ZNF695: variants seen among roughly 807,000 people sequenced by gnomAD.
ZNF695 encodes zinc finger protein SBZF3.
Under a neutral mutation model 11.2 loss-of-function variants are expected in ZNF695, and 11 were observed. The observed-to-expected ratio is 0.98, with a 90% CI of 0.62 to 1.62. The LOEUF (loss-of-function observed/expected upper bound fraction) is 1.62. Among genes scored for constraint, ZNF695 ranks in the 40% most tolerant of loss-of-function variants. The pLI, the probability that ZNF695 is intolerant of heterozygous loss-of-function variation, is 0.00. For synonymous variants in ZNF695, 190 were observed against 201.4 expected (o/e 0.94, Z 0.48); for missense variants, 559 against 590.5 (o/e 0.95, Z 0.55).
At chr1:246,975,541 G>T (rs1481276520) in intron 4 of ZNF695, among the ~76,000 whole-genome samples, 3 of 152,208 alleles carry the variant, frequency 2.0e-5, no homozygotes, top group African/African-American at 7.2e-5. Flanking sequence ...ACTGAGGGCT[G>T]TGGGAGCAAT....
chr1:246,945,972 G>A (rs779523931), intron 5 of ZNF695: 54 of 972,422 alleles, frequency 5.6e-5, no homozygotes, highest in Admixed American at 7.3e-5. Context: ...TCAAATTCAC[G>A]CAGGTGTGAG....
intron 5 of ZNF695, among the ~76,000 whole-genome samples, chr1:246,959,311 ATATATATATAT>A (rs1327362017): frequency 9.5e-4 from 20 of 20,966 alleles, no homozygotes; most frequent in African/African-American, 2.5e-3. Context: ...AAAAAAAAAA[ATATATATATAT>A]ATATATATAT....
intron 1 of ZNF695, among the ~76,000 whole-genome samples, chr1:247,002,324 C>T (rs1368363298): frequency 1.3e-5 from 2 of 151,720 alleles, no homozygotes; most frequent in African/African-American, 4.8e-5. Context: ...AAAAAGATAC[C>T]GCATCCCAGA....
chr1:246,976,600 C>G (rs552407860), intron 4 of ZNF695, among the ~76,000 whole-genome samples: 60 of 151,778 alleles, frequency 4.0e-4, no homozygotes, highest in African/African-American at 1.0e-3. Flanking sequence ...CGAGACCATC[C>G]TGGCTAACAC....
At position 246,969,883 on chromosome 1, in the gene ZNF695, C is replaced by T. The variant is rs370401449; in HGVS notation, c.391-2091G>A. 1.5e-3 allele frequency among the ~76,000 whole-genome samples: 230 copies of T among 152,270 alleles called. 1 individual carries two copies. Among genetic ancestry groups the T allele is most frequent in the African/African-American group, 4.7e-3 (196 of 41,556 alleles). On this transcript the variant is annotated intron_variant, in intron 4 of 5. Coordinates refer to the ZNF695 transcript ENST00000487338. Reference sequence around the variant, plus strand: ...CAGATCTCGTGAGAACTTACTATCACGAGAACAGCAAGGGAGAAGTCCACC... The same window carrying T: ...CAGATCTCGTGAGAACTTACTATCATGAGAACAGCAAGGGAGAAGTCCACC...
intron 4 of ZNF695, among the ~76,000 whole-genome samples, chr1:246,970,691 G>A (rs1490679725): frequency 6.6e-6 from 1 of 152,252 alleles, no homozygotes; most frequent in Non-Finnish European, 1.5e-5. Flanking sequence ...GCAGAGTGGA[G>A]AGCCCTTGTT....
intron 5 of ZNF695, among the ~76,000 whole-genome samples, chr1:246,956,644 T>C (rs115718447): frequency 0.011 from 1,626 of 152,174 alleles, 26 homozygotes; most frequent in African/African-American, 0.037. Context: ...CATGGGATAA[T>C]TGGGGGTATG....
chr1:246,994,753 C>T (rs1007661765), intron 3 of ZNF695, among the ~76,000 whole-genome samples: 5 of 152,044 alleles, frequency 3.3e-5, no homozygotes, highest in East Asian at 3.9e-4. Context: ...AGGAGAATGG[C>T]GTGAACCCGG....
At chr1:246,948,045 G>A (rs1245577968) in intron 5 of ZNF695, among the ~76,000 whole-genome samples, 1 of 152,030 alleles carries the variant, frequency 6.6e-6, no homozygotes, top group South Asian at 2.1e-4. Context: ...CATTACCTGT[G>A]AGGCGATGAG....
Position 247,007,869 on chromosome 1 carries a change from C to G in ZNF695, c.3+37G>C, listed in dbSNP as rs202095364. On this transcript the variant is annotated intron_variant, in intron 1 of 3. Coordinates refer to ENST00000339986, the MANE Select transcript of ZNF695 (RefSeq NM_020394.5). ...AATTCCAACCGATTCCAACCACCCC[C>G]TCTCCCTTCTCGGGACACCCTGCTC... 1.2e-4 allele frequency: 183 copies of G among 1,538,594 alleles called. 1 individual carries two copies. In the Middle Eastern group the frequency reaches 2.1e-3, roughly 18 times the overall value.
At chr1:246,971,822 G>T (rs947367340) in intron 4 of ZNF695, among the ~76,000 whole-genome samples, 4 of 151,948 alleles carry the variant, frequency 2.6e-5, no homozygotes, top group Non-Finnish European at 5.9e-5. Context: ...TGTGCCCTTG[G>T]TCTCTTGCCT....
intron 4 of ZNF695, among the ~76,000 whole-genome samples, chr1:246,970,326 A>G (rs1219517756): frequency 1.3e-5 from 2 of 152,064 alleles, no homozygotes; most frequent in Non-Finnish European, 2.9e-5. Flanking sequence ...GAGGAGGGAA[A>G]CAGAGGTGAG....
intron 5 of ZNF695, among the ~76,000 whole-genome samples, chr1:246,965,474 C>T (rs925964111): frequency 2.0e-5 from 3 of 152,082 alleles, no homozygotes; most frequent in African/African-American, 4.8e-5. Flanking sequence ...TGGTGGCTCA[C>T]GCCTGTAATC....
chr1:246,950,785 T>A (rs1197929310), intron 5 of ZNF695, among the ~76,000 whole-genome samples: 3 of 152,072 alleles, frequency 2.0e-5, no homozygotes, highest in Non-Finnish European at 2.9e-5. Context: ...TTGGACAAGG[T>A]ACTTGACCAC....
chr1:246,990,698 T>G (rs1405954585), intron 3 of ZNF695, among the ~76,000 whole-genome samples: 1 of 152,164 alleles, frequency 6.6e-6, no homozygotes. Flanking sequence ...TTCTCAAGGA[T>G]AGACCAAATG....
At chr1:246,957,696 C>T (rs987676476) in intron 5 of ZNF695, among the ~76,000 whole-genome samples, 3 of 152,044 alleles carry the variant, frequency 2.0e-5, no homozygotes, top group Non-Finnish European at 4.4e-5. Context: ...AGTGCAGTGG[C>T]ATGATCTTAC....
At chr1:246,952,210 A>G (rs1667885026) in intron 5 of ZNF695, among the ~76,000 whole-genome samples, 1 of 152,086 alleles carries the variant, frequency 6.6e-6, no homozygotes, top group Non-Finnish European at 1.5e-5. Context: ...CGGCCTCCCA[A>G]AGTGCTGGGA....
At chr1:246,972,838 C>A (rs575110410) in intron 4 of ZNF695, among the ~76,000 whole-genome samples, 1 of 151,224 alleles carries the variant, frequency 6.6e-6, no homozygotes, top group Admixed American at 6.6e-5. Flanking sequence ...TTTTTAGAAA[C>A]GCAAAAGAAC....
At chr1:246,961,068 C>T (rs112518580) in intron 5 of ZNF695, among the ~76,000 whole-genome samples, 6 of 152,206 alleles carry the variant, frequency 3.9e-5, no homozygotes, top group African/African-American at 1.4e-4. Context: ...ACTTGATTCA[C>T]TCATTGAAAT....
Sources: gnomAD v4.1 joint callset for allele counts (sites outside exome capture counted in the v4.1 genomes callset) on GRCh38, gnomAD v4.1.1 for gene constraint, MANE v1.5 for transcripts, NCBI Gene and HGNC (gene_info 2026-07-23, HGNC 2026-07-21) for gene names.